Variants in PTPRN2 observed in about 807,000 individuals in gnomAD.
PTPRN2 encodes the protein protein tyrosine phosphatase receptor type N2.
Under a neutral mutation model 118.8 loss-of-function variants are expected in PTPRN2, and 74 were observed. That is an observed-to-expected ratio of 0.62 (90% CI 0.52 to 0.76). The LOEUF (loss-of-function observed/expected upper bound fraction) is 0.76, where lower values mean the gene tolerates loss of function less well. PTPRN2 is among the 30% of genes least tolerant of loss of function. The probability of loss-of-function intolerance (pLI) is 0.00; values close to 1 mark genes in which losing one functional copy is unlikely to be tolerated. For missense variants in PTPRN2, 1,481 were observed against 1,394.4 expected, an observed-to-expected ratio of 1.06 and a Z score of -0.99; for synonymous variants, 641 against 608.0, an observed-to-expected ratio of 1.05 and a Z score of -0.80.
intron 11 of PTPRN2, among the ~76,000 whole-genome samples, chr7:157,937,931 A>ATC (rs10679598): frequency 0.39 from 58,922 of 151,926 alleles, 13,642 homozygotes; most frequent in East Asian, 0.63. Flanking sequence ...CATGTTCCCC[A>ATC]TCTCTCTCTC....
chr7:157,775,672 C>G (rs1803163347), intron 12 of PTPRN2, among the ~76,000 whole-genome samples: 2 of 152,244 alleles, frequency 1.3e-5, no homozygotes, highest in African/African-American at 4.8e-5. Context: ...CGGGGCAGTC[C>G]CCACACAAGG....
chr7:158,463,336 T>C (rs1012162852), intron 2 of PTPRN2, among the ~76,000 whole-genome samples: 4 of 152,088 alleles, frequency 2.6e-5, no homozygotes, highest in Admixed American at 2.6e-4. Context: ...ACCATCACCA[T>C]CAGCATCATT....
intron 11 of PTPRN2, among the ~76,000 whole-genome samples, chr7:157,999,628 C>T (rs906877524): frequency 2.0e-5 from 3 of 152,084 alleles, no homozygotes; most frequent in African/African-American, 7.2e-5. Flanking sequence ...GAGACTCGTC[C>T]ACACGACGAG....
At chr7:158,336,154 T>C (rs373438990) in intron 2 of PTPRN2, among the ~76,000 whole-genome samples, 1,884 of 10,734 alleles carry the variant, frequency 0.18, 719 homozygotes, top group African/African-American at 0.46. Flanking sequence ...CACACCCACA[T>C]TCTCACCATA....
intron 2 of PTPRN2, among the ~76,000 whole-genome samples, chr7:158,440,757 G>C (rs996960502): frequency 6.7e-6 from 1 of 148,442 alleles, no homozygotes; most frequent in East Asian, 2.0e-4. Context: ...TGACAGTGGT[G>C]GTGGTGATGT....
chr7:158,095,645 GC>G (rs1411168012), intron 10 of PTPRN2, among the ~76,000 whole-genome samples: 1 of 152,148 alleles, frequency 6.6e-6, no homozygotes, highest in Non-Finnish European at 1.5e-5. Flanking sequence ...CAACAAATAA[GC>G]CCCTGTTATG....
At chr7:158,264,584 G>A (rs1797749880) in intron 3 of PTPRN2, among the ~76,000 whole-genome samples, 1 of 152,158 alleles carries the variant, frequency 6.6e-6, no homozygotes, top group Non-Finnish European at 1.5e-5. Flanking sequence ...CATCGAGATG[G>A]CCCTTGCAAC....
intron 6 of PTPRN2, among the ~76,000 whole-genome samples, chr7:158,142,095 G>T (rs1291020541): frequency 6.6e-6 from 1 of 152,200 alleles, no homozygotes; most frequent in Admixed American, 6.5e-5. Flanking sequence ...CTGACATCTG[G>T]GGCCCTGCTG....
intron 12 of PTPRN2, among the ~76,000 whole-genome samples, chr7:157,858,047 C>T (rs1041402735): frequency 3.3e-5 from 5 of 151,922 alleles, no homozygotes; most frequent in Non-Finnish European, 7.4e-5. Context: ...AGTCAGCCCC[C>T]CAGCTACCAC....
intron 4 of PTPRN2, among the ~76,000 whole-genome samples, chr7:158,200,366 A>G (rs1016602816): frequency 4.6e-5 from 7 of 152,234 alleles, no homozygotes; most frequent in South Asian, 2.1e-4. Flanking sequence ...ATGGACGCCG[A>G]GGACGAGCTG....
At chr7:158,342,473 C>G (rs62493648) in intron 2 of PTPRN2, among the ~76,000 whole-genome samples, 29 of 41,888 alleles carry the variant, frequency 6.9e-4, no homozygotes, top group African/African-American at 2.8e-3. Context: ...ACCATAAGAG[C>G]TGACACCTGC....
intron 21 of PTPRN2, among the ~76,000 whole-genome samples, chr7:157,557,840 A>G (rs1243964609): frequency 2.6e-5 from 4 of 151,988 alleles, no homozygotes; most frequent in Admixed American, 1.3e-4. Context: ...TTTTGGAGAA[A>G]CTGAAATGCC....
At chr7:158,113,885 G>A (rs948709354) in intron 9 of PTPRN2, among the ~76,000 whole-genome samples, 1 of 152,170 alleles carries the variant, frequency 6.6e-6, no homozygotes, top group Non-Finnish European at 1.5e-5. Flanking sequence ...CTTCCACTCA[G>A]GGAGGAGCCA....
At chr7:157,815,154 C>A (rs1420178307) in intron 12 of PTPRN2, among the ~76,000 whole-genome samples, 1 of 152,236 alleles carries the variant, frequency 6.6e-6, no homozygotes, top group East Asian at 1.9e-4. Context: ...GAAGATTCTG[C>A]GCCCTTCAGC....
In PTPRN2 at chr7:157,696,624, C is replaced by G. The variant is rs556573088; in HGVS notation, c.1789-13687G>C. On this transcript the variant is annotated intron_variant, in intron 12 of 22. Coordinates refer to ENST00000389418, the MANE Select transcript of PTPRN2 (RefSeq NM_002847.5). ...TCTTAGTAGAGCCCTCACCATCTAC[C>G]CATGCATACTGGGTCTTAGTAGAGC... Among the ~76,000 whole-genome samples, 3 of 144,372 alleles carry G rather than the reference C, an allele frequency of 2.1e-5. No individual in the cohort carries two copies. In the East Asian group the frequency reaches 6.5e-4, roughly 31 times the overall value. 94.7% of individuals were successfully genotyped at this position (144,372 alleles called of 152,430 possible). A position where few individuals can be genotyped will look rare whatever the true frequency, so the allele number is the denominator to read the frequency against.
At chr7:157,989,009 C>T (rs1804035479) in intron 11 of PTPRN2, among the ~76,000 whole-genome samples, 1 of 152,232 alleles carries the variant, frequency 6.6e-6, no homozygotes, top group African/African-American at 2.4e-5. Context: ...TGAACTCCTA[C>T]CGCTATAACA....
chr7:158,441,618 G>T (rs1336690954), intron 2 of PTPRN2, among the ~76,000 whole-genome samples: 1 of 148,612 alleles, frequency 6.7e-6, no homozygotes, highest in Non-Finnish European at 1.5e-5. Context: ...TGGCAGTGGT[G>T]GTGGTGGTGA....
rs1408514236 is a variant in PTPRN2, at chr7:157,540,151, T to A, written c.*563A>T. 7.9e-5 allele frequency: 12 copies of A among 152,468 alleles called. No homozygotes were observed. Among genetic ancestry groups the A allele is most frequent in the African/African-American group, 2.9e-4 (12 of 41,534 alleles). 9.4% of individuals were successfully genotyped at this position (152,468 alleles called of 1,614,324 possible). ...GGGCCGTCCATGGTACCCGGCGCAG[T>A]GTTGATGGAGACGCAGCGAGGAGCT... On this transcript the variant is annotated 3_prime_UTR_variant, in exon 23 of 23. Transcript: ENST00000389418.
chr7:158,138,600 C>G lies in PTPRN2; in HGVS notation c.911-85G>C. 9.9e-6 allele frequency: 13 copies of G among 1,308,398 alleles called. No individual in the cohort carries two copies. The South Asian group carries it at 1.6e-4, about 16-fold the overall frequency. The allele number at this position is 1,308,398 out of a possible 1,614,324, so 81.0% of individuals were successfully genotyped here. A position where few individuals can be genotyped will look rare whatever the true frequency, so the allele number is the denominator to read the frequency against. On this transcript the variant is annotated intron_variant, in intron 6 of 22. Coordinates refer to ENST00000389418, the MANE Select transcript of PTPRN2 (RefSeq NM_002847.5). ...CTCCAGACCATAGGGGTGTGGTGGGCGTCTGCGGCGTCCCAAGGCAGTGGC... is the reference window on the plus strand; with the variant it reads ...CTCCAGACCATAGGGGTGTGGTGGGGGTCTGCGGCGTCCCAAGGCAGTGGC...
Sources: gnomAD v4.1 joint callset for allele counts (sites outside exome capture counted in the v4.1 genomes callset) on GRCh38, gnomAD v4.1.1 for gene constraint, MANE v1.5 for transcripts, NCBI Gene and HGNC (gene_info 2026-07-23, HGNC 2026-07-21) for gene names.